NOPCHAP1: variants seen among roughly 807,000 people sequenced by gnomAD.
NOPCHAP1 encodes NOP protein chaperone 1, also known as DNA damage-sensitive RNA 1.
NOPCHAP1 carries 13 observed loss-of-function variants against 14.0 expected under a neutral mutation model. That is an observed-to-expected ratio of 0.93 (90% CI 0.60 to 1.47). NOPCHAP1 has a LOEUF of 1.47. Ranked by LOEUF, NOPCHAP1 falls within the 40% of genes most tolerant of loss-of-function variation. The probability of loss-of-function intolerance (pLI) is 0.00; values close to 1 mark genes in which losing one functional copy is unlikely to be tolerated. For synonymous variants in NOPCHAP1, 78 were observed against 78.4 expected, an observed-to-expected ratio of 1.00 and a Z score of 0.03; for missense variants, 230 against 226.9, an observed-to-expected ratio of 1.01 and a Z score of -0.09.
Position 105,012,661 on chromosome 12 carries a change from G to T in NOPCHAP1, c.*17965G>T, listed in dbSNP as rs1873855084. 1 of 152,140 alleles carries T rather than the reference G, an allele frequency of 6.6e-6. No homozygotes were observed. Among genetic ancestry groups the T allele is most frequent in the Non-Finnish European group, 1.5e-5 (1 of 68,044 alleles). 9.4% of individuals were successfully genotyped at this position (152,140 alleles called of 1,614,324 possible). A position where few individuals can be genotyped will look rare whatever the true frequency, so the allele number is the denominator to read the frequency against. On this transcript the variant is annotated 3_prime_UTR_variant, in exon 4 of 4. Transcript: ENST00000552951. The stretch of plus-strand genomic sequence containing the variant: ...TGCTCTTTTATGTTGGTAACCTTTG[G>T]GTGGGGTTTCTGTGTGGACGTCCTT...
rs1056141744 is a variant in NOPCHAP1, at chr12:105,011,400, C to T, written c.*16704C>T. The T allele has an allele frequency of 5.3e-5, 8 of 152,108 alleles. No homozygotes were observed. Among genetic ancestry groups the T allele is most frequent in the Non-Finnish European group, 7.3e-5 (5 of 68,034 alleles). The allele number at this position is 152,108 out of a possible 1,614,324, so 9.4% of individuals were successfully genotyped here. Reference sequence around the variant, plus strand: ...GCACATGAGATGGGTCTCCTGAATACAGCACACTGATGGGTCTTGACTCTT... The same window carrying T: ...GCACATGAGATGGGTCTCCTGAATATAGCACACTGATGGGTCTTGACTCTT... On this transcript the variant is annotated 3_prime_UTR_variant, in exon 4 of 4. Coordinates refer to ENST00000552951, the MANE Select transcript of NOPCHAP1 (RefSeq NM_152318.3).
rs1873519292 is a variant in NOPCHAP1, at chr12:104,997,328, T to C, written c.*2632T>C. On this transcript the variant is annotated 3_prime_UTR_variant, in exon 4 of 4. Coordinates refer to ENST00000552951, the MANE Select transcript of NOPCHAP1 (RefSeq NM_152318.3). ...ATTTGCCTGTCTGAAAAGGATCTTA[T>C]TTCTCCTTTGCTTATGAAGCTTAGT... 1 of 152,252 alleles carries C rather than the reference T, an allele frequency of 6.6e-6. No individual in the cohort carries two copies. The highest frequency in any genetic ancestry group is 2.1e-4 in the South Asian group (1 of 4,832). The allele number at this position is 152,252 out of a possible 1,614,324, so 9.4% of individuals were successfully genotyped here.
rs1201247525 is a variant in NOPCHAP1, at chr12:104,997,666, A to T, written c.*2970A>T. 1.1e-4 allele frequency: 16 copies of T among 151,884 alleles called. No homozygotes were observed. Among genetic ancestry groups the T allele is most frequent in the Non-Finnish European group, 2.9e-5 (2 of 68,012 alleles). The allele number at this position is 151,884 out of a possible 1,614,324, so 9.4% of individuals were successfully genotyped here. On this transcript the variant is annotated 3_prime_UTR_variant, in exon 4 of 4. Transcript: ENST00000552951. ...TTTCATTTCCACCTTGGAGGATCTGATGACTGTATGTTTTAGGTTGGTCTG... is the reference window on the plus strand; with the variant it reads ...TTTCATTTCCACCTTGGAGGATCTGTTGACTGTATGTTTTAGGTTGGTCTG...
rs1873715442 is a variant in NOPCHAP1 at position 105,006,643 on chromosome 12, T to TTG, written c.*11947_*11948insTG. 1 of 152,236 alleles carries TTG rather than the reference T, an allele frequency of 6.6e-6. No homozygotes were observed. Among genetic ancestry groups the TTG allele is most frequent in the African/African-American group, 2.4e-5 (1 of 41,464 alleles). 9.4% of individuals were successfully genotyped at this position (152,236 alleles called of 1,614,324 possible). On this transcript the variant is annotated 3_prime_UTR_variant, in exon 4 of 4. Coordinates refer to ENST00000552951, the MANE Select transcript of NOPCHAP1 (RefSeq NM_152318.3). ...TCTTTTCCCTTCCAGGCTCAGGGGT[T>TTG]AGCAGCCTTATAGATAAGGGCAGTC...
chr12:104,988,742 C>G (rs1314510987), intron 2 of NOPCHAP1, among the ~76,000 whole-genome samples: 2 of 152,000 alleles, frequency 1.3e-5, no homozygotes, highest in Non-Finnish European at 2.9e-5. Context: ...GTAATTCACT[C>G]TTAATATTAA....
rs11112301 is a variant in NOPCHAP1 at position 105,012,599 on chromosome 12, G to T, written c.*17903G>T. On this transcript the variant is annotated 3_prime_UTR_variant, in exon 4 of 4. Transcript: ENST00000552951. ...TTTTTGGAATTTTCAGCCTTTTTGCGCTGGGTTTTCCTCATCTTCCTGGAT... is the reference window on the plus strand; with the variant it reads ...TTTTTGGAATTTTCAGCCTTTTTGCTCTGGGTTTTCCTCATCTTCCTGGAT... 1 of 152,126 alleles carries T rather than the reference G, an allele frequency of 6.6e-6. No homozygotes were observed. The highest frequency in any genetic ancestry group is 1.5e-5 in the Non-Finnish European group (1 of 68,040). 9.4% of individuals were successfully genotyped at this position (152,126 alleles called of 1,614,324 possible). A position where few individuals can be genotyped will look rare whatever the true frequency, so the allele number is the denominator to read the frequency against.
rs1873536522 is a variant in NOPCHAP1 at position 104,998,290 on chromosome 12, C to G, written c.*3594C>G. ...ACTCTAGTGCTTTTGTCAGTTTTTGCACTGATTCTTTTTTATCTTTGTGGG... is the reference window on the plus strand; with the variant it reads ...ACTCTAGTGCTTTTGTCAGTTTTTGGACTGATTCTTTTTTATCTTTGTGGG... On this transcript the variant is annotated 3_prime_UTR_variant, in exon 4 of 4. Transcript: ENST00000552951. 2 of 152,224 alleles carry G rather than the reference C, an allele frequency of 1.3e-5. No homozygotes were observed. The highest frequency in any genetic ancestry group is 4.1e-4 in the South Asian group (2 of 4,848). 9.4% of individuals were successfully genotyped at this position (152,224 alleles called of 1,614,324 possible). A position where few individuals can be genotyped will look rare whatever the true frequency, so the allele number is the denominator to read the frequency against.
intron 3 of NOPCHAP1, among the ~76,000 whole-genome samples, chr12:104,992,711 C>T (rs1003275377): frequency 6.6e-6 from 1 of 152,182 alleles, no homozygotes; most frequent in Non-Finnish European, 1.5e-5. Context: ...TGCCTCCTGT[C>T]AGATCAGCAG....
At chr12:104,994,330 GAGCAAGACTCTGTCTCCAAAAAAA>G (rs1356366200) in intron 3 of NOPCHAP1, 124 bp from the exon 4 acceptor site, 1 of 742,778 alleles carries the variant, frequency 1.3e-6, no homozygotes, top group Non-Finnish European at 2.3e-6. Flanking sequence ...CTGGGCAGCA[GAGCAAGACTCTGTCTCCAAAAAAA>G]ACCAAATTCT....
At position 105,007,066 on chromosome 12, in the gene NOPCHAP1, A is replaced by G. The variant is rs1274395523; in HGVS notation, c.*12370A>G. ...TTAAGTCAAACCTCTAAAATTATCA[A>G]AGCATCTTATGCTGGCATTGAATTA... On this transcript the variant is annotated 3_prime_UTR_variant, in exon 4 of 4. Transcript: ENST00000552951. The G allele has an allele frequency of 1.3e-5, 2 of 151,758 alleles. No homozygotes were observed. Among genetic ancestry groups the G allele is most frequent in the Admixed American group, 6.6e-5 (1 of 15,228 alleles). 9.4% of individuals were successfully genotyped at this position (151,758 alleles called of 1,614,324 possible).
chr12:104,995,436 G>A lies in NOPCHAP1; in HGVS notation c.*740G>A, dbSNP rs1332656260. ...AAAAATAGGTACAACATTCAGTTTT[G>A]TTTAGCACCATACATAACCCCCAAC... On this transcript the variant is annotated 3_prime_UTR_variant, in exon 4 of 4. Transcript: ENST00000552951. The A allele has an allele frequency of 1.3e-5, 2 of 152,196 alleles. No individual in the cohort carries two copies. The highest frequency in any genetic ancestry group is 4.8e-5 in the African/African-American group (2 of 41,398). The allele number at this position is 152,196 out of a possible 1,614,324, so 9.4% of individuals were successfully genotyped here.
chr12:104,992,564 T>A (rs1873403118), intron 3 of NOPCHAP1, among the ~76,000 whole-genome samples: 1 of 152,214 alleles, frequency 6.6e-6, no homozygotes, highest in South Asian at 2.1e-4. Flanking sequence ...AGGGTCCATA[T>A]GATCCTGCCT....
Position 104,994,790 on chromosome 12 carries a change from C to T in NOPCHAP1, c.*94C>T, listed in dbSNP as rs1358668348. On this transcript the variant is annotated 3_prime_UTR_variant, in exon 4 of 4. Coordinates refer to ENST00000552951, the MANE Select transcript of NOPCHAP1 (RefSeq NM_152318.3). ...ACGGGTTCTTTTGCTTTTCAGGCAC[C>T]TATGGTGCTTTTATATGTTAAAAAC... 2 of 1,123,790 alleles carry T rather than the reference C, an allele frequency of 1.8e-6. No individual in the cohort carries two copies. The highest frequency in any genetic ancestry group is 2.6e-6 in the Non-Finnish European group (2 of 770,010). 69.6% of individuals were successfully genotyped at this position (1,123,790 alleles called of 1,614,324 possible).
At position 104,999,633 on chromosome 12, in the gene NOPCHAP1, GCT is replaced by G. The variant is rs1873570955; in HGVS notation, c.*4939_*4940del. On this transcript the variant is annotated 3_prime_UTR_variant, in exon 4 of 4. Coordinates refer to ENST00000552951, the MANE Select transcript of NOPCHAP1 (RefSeq NM_152318.3). ...TCCCTGGCCATGATCCACTACAGAT[GCT>G]CCCGCACCAAAGCCTCTGGGCTCTG... The G allele has an allele frequency of 6.6e-6, 1 of 152,120 alleles. No individual in the cohort carries two copies. The highest frequency in any genetic ancestry group is 1.5e-5 in the Non-Finnish European group (1 of 68,112). The allele number at this position is 152,120 out of a possible 1,614,324, so 9.4% of individuals were successfully genotyped here. A position where few individuals can be genotyped will look rare whatever the true frequency, so the allele number is the denominator to read the frequency against.
chr12:105,008,758 G>A lies in NOPCHAP1; in HGVS notation c.*14062G>A, dbSNP rs1565942110. 3 of 152,130 alleles carry A rather than the reference G, an allele frequency of 2.0e-5. No individual in the cohort carries two copies. Among genetic ancestry groups the A allele is most frequent in the African/African-American group, 7.2e-5 (3 of 41,422 alleles). The allele number at this position is 152,130 out of a possible 1,614,324, so 9.4% of individuals were successfully genotyped here. A position where few individuals can be genotyped will look rare whatever the true frequency, so the allele number is the denominator to read the frequency against. On this transcript the variant is annotated 3_prime_UTR_variant, in exon 4 of 4. Coordinates refer to ENST00000552951, the MANE Select transcript of NOPCHAP1 (RefSeq NM_152318.3). The stretch of plus-strand genomic sequence containing the variant: ...ATAGGGAATCTTTTCTCCATTGCTT[G>A]TTTTTGTCAAGTTTTTCAAAGATCA...
At chr12:104,989,125 C>G (rs1873319610) in intron 2 of NOPCHAP1, among the ~76,000 whole-genome samples, 2 of 151,654 alleles carry the variant, frequency 1.3e-5, no homozygotes, top group Non-Finnish European at 2.9e-5. Flanking sequence ...TTAATTTTAG[C>G]TGTTCTAGTG....
At position 105,015,458 on chromosome 12, in the gene NOPCHAP1, TG is replaced by T. The variant is rs1247719611; in HGVS notation, c.*20763del. 1 of 152,230 alleles carries T rather than the reference TG, an allele frequency of 6.6e-6. No homozygotes were observed. Among genetic ancestry groups the T allele is most frequent in the Non-Finnish European group, 1.5e-5 (1 of 68,044 alleles). The allele number at this position is 152,230 out of a possible 1,614,324, so 9.4% of individuals were successfully genotyped here. A position where few individuals can be genotyped will look rare whatever the true frequency, so the allele number is the denominator to read the frequency against. ...ATGAAGATGTAATTTCAAGTACAGT[TG>T]TTATTGTCAGTTTTGCTTTCCATGG... is the stretch of plus-strand genomic sequence containing the variant. On this transcript the variant is annotated 3_prime_UTR_variant, in exon 4 of 4. Transcript: ENST00000552951.
chr12:104,994,363 C>G (rs1407542628), intron 3 of NOPCHAP1, 115 bp from the exon 4 acceptor site: 1 of 1,044,744 alleles, frequency 9.6e-7, no homozygotes, highest in Non-Finnish European at 1.5e-6. Flanking sequence ...AAACCAAATT[C>G]TTATCCTTTA....
chr12:104,986,476 C>A lies in NOPCHAP1; in HGVS notation c.115+9C>A, dbSNP rs758730463. The A allele has an allele frequency of 6.3e-6, 10 of 1,588,140 alleles. No individual in the cohort carries two copies. The South Asian group carries it at 1.0e-4, about 16-fold the overall frequency. ...AAGCGACGGCCGCGGAGGTGACGGA[C>A]GGGTGACGGCGGCATGGGCCGCACA... is the stretch of plus-strand genomic sequence containing the variant. On this transcript the variant is annotated intron_variant, in intron 1 of 3. Transcript: ENST00000552951.
Sources: allele counts gnomAD v4.1 joint callset (sites outside exome capture counted in the v4.1 genomes callset), GRCh38; gene constraint gnomAD v4.1.1; transcripts MANE v1.5; gene names NCBI Gene and HGNC (gene_info 2026-07-23, HGNC 2026-07-21).